The following SDK1 variants were observed in gnomAD, a reference collection of about 807,000 sequenced individuals.
SDK1 encodes sidekick cell adhesion molecule 1, also known as protein sidekick-1.
Under a neutral mutation model 245.5 loss-of-function variants are expected in SDK1, and 157 were observed. The ratio of observed to expected loss-of-function variants is 0.64; its 90% CI spans 0.56 to 0.73. The LOEUF is 0.73. Ranked by LOEUF, SDK1 falls within the 30% of genes least tolerant of loss-of-function variation. The probability of loss-of-function intolerance (pLI) is 0.00; values close to 1 mark genes in which losing one functional copy is unlikely to be tolerated. For missense variants in SDK1, 3,583 were observed against 3,002.3 expected (o/e 1.19, Z -4.52); for synonymous variants, 1,647 against 1,278.5 (o/e 1.29, Z -6.15).
At chr7:3,488,079 A>C (rs12700918) in intron 1 of SDK1, among the ~76,000 whole-genome samples, 1 of 152,064 alleles carries the variant, frequency 6.6e-6, no homozygotes, top group African/African-American at 2.4e-5. Flanking sequence ...CTCTTGGTCT[A>C]ATTTTTCAGT....
At chr7:4,115,966 G>A (rs1172481835) in intron 25 of SDK1, among the ~76,000 whole-genome samples, 2 of 152,108 alleles carry the variant, frequency 1.3e-5, no homozygotes, top group Admixed American at 6.5e-5. Context: ...AGCAGGAGGA[G>A]GCGGATGACG....
intron 1 of SDK1, among the ~76,000 whole-genome samples, chr7:3,545,391 A>T (rs1281357326): frequency 1.3e-5 from 2 of 152,196 alleles, no homozygotes; most frequent in Admixed American, 1.3e-4. Context: ...TTCATCTTTC[A>T]TGTTGAAAGA....
intron 4 of SDK1, among the ~76,000 whole-genome samples, chr7:3,739,420 T>G (rs181643124): frequency 2.6e-5 from 4 of 152,308 alleles, no homozygotes; most frequent in African/African-American, 9.6e-5. Flanking sequence ...TCTATTTCTA[T>G]TAGTTGTGTG....
At chr7:3,698,222 C>T (rs2115003565) in intron 4 of SDK1, among the ~76,000 whole-genome samples, 1 of 152,312 alleles carries the variant, frequency 6.6e-6, no homozygotes, top group African/African-American at 2.4e-5. Context: ...TGGCCATATT[C>T]ACAAACCCCC....
chr7:3,400,694 A>G (rs2128573223), intron 1 of SDK1, among the ~76,000 whole-genome samples: 1 of 152,302 alleles, frequency 6.6e-6, no homozygotes, highest in Admixed American at 6.5e-5. Flanking sequence ...GTCATAATTA[A>G]GGTCCAGTTT....
chr7:3,626,602 G>A (rs188985703), intron 2 of SDK1, among the ~76,000 whole-genome samples: 37 of 152,290 alleles, frequency 2.4e-4, no homozygotes, highest in Non-Finnish European at 4.6e-4. Context: ...AATTACAACT[G>A]GTCTTGCGAG....
chr7:3,580,116 C>T (rs1267236597), intron 1 of SDK1, among the ~76,000 whole-genome samples: 1 of 152,052 alleles, frequency 6.6e-6, no homozygotes, highest in Non-Finnish European at 1.5e-5. Flanking sequence ...AGGAGAATTA[C>T]AAAACACTGT....
chr7:4,210,492 G>A (rs991529019), intron 38 of SDK1, among the ~76,000 whole-genome samples: 2 of 152,098 alleles, frequency 1.3e-5, no homozygotes, highest in Admixed American at 6.5e-5. Flanking sequence ...TATTCCTCCC[G>A]AGATGTTTGT....
chr7:3,867,655 A>G (rs1000980720), intron 5 of SDK1, among the ~76,000 whole-genome samples: 63 of 152,168 alleles, frequency 4.1e-4, no homozygotes, highest in African/African-American at 1.3e-3. Flanking sequence ...TGCTTCCATG[A>G]TTCGGTTACC....
intron 1 of SDK1, among the ~76,000 whole-genome samples, chr7:3,358,665 T>C (rs1428183243): frequency 6.6e-6 from 1 of 152,212 alleles, no homozygotes; most frequent in African/African-American, 2.4e-5. Flanking sequence ...GATTGAAGGT[T>C]CTAGCAGCTT....
intron 1 of SDK1, among the ~76,000 whole-genome samples, chr7:3,363,149 C>T (rs1583746447): frequency 1.3e-5 from 2 of 152,190 alleles, no homozygotes; most frequent in African/African-American, 2.4e-5. Flanking sequence ...TCTCCTTCCA[C>T]ACTGCTCGGC....
At chr7:3,455,505 G>T (rs915216158) in intron 1 of SDK1, among the ~76,000 whole-genome samples, 1 of 151,636 alleles carries the variant, frequency 6.6e-6, no homozygotes. Context: ...TTGTTCAATG[G>T]ATGCCTATTA....
At chr7:3,599,669 T>G (rs1034817134) in intron 1 of SDK1, among the ~76,000 whole-genome samples, 3 of 152,204 alleles carry the variant, frequency 2.0e-5, no homozygotes, top group Non-Finnish European at 4.4e-5. Flanking sequence ...TTTGATTTTT[T>G]GCCTTCTAGG....
chr7:3,594,692 T>C (rs1780996146), intron 1 of SDK1, among the ~76,000 whole-genome samples: 1 of 152,220 alleles, frequency 6.6e-6, no homozygotes, highest in Admixed American at 6.5e-5. Flanking sequence ...ATTTTCCCAG[T>C]GACTAATGAC....
At chr7:3,688,476 A>T (rs927860606) in intron 4 of SDK1, among the ~76,000 whole-genome samples, 2 of 152,262 alleles carry the variant, frequency 1.3e-5, no homozygotes, top group Non-Finnish European at 2.9e-5. Context: ...AAATGAGATA[A>T]TTAACACAAA....
intron 2 of SDK1, among the ~76,000 whole-genome samples, chr7:3,620,126 T>C (rs1409664223): frequency 2.0e-5 from 3 of 152,164 alleles, no homozygotes; most frequent in Non-Finnish European, 4.4e-5. Context: ...TTAAGTGGAA[T>C]AACAAGCTTC....
chr7:3,933,094 G>T (rs1189758907), intron 5 of SDK1, among the ~76,000 whole-genome samples: 1 of 146,718 alleles, frequency 6.8e-6, no homozygotes, highest in African/African-American at 2.5e-5. Flanking sequence ...TCCATCCTCC[G>T]CATCCTCCGG....
intron 2 of SDK1, among the ~76,000 whole-genome samples, chr7:3,625,573 A>G (rs997692407): frequency 6.6e-6 from 1 of 152,182 alleles, no homozygotes; most frequent in Non-Finnish European, 1.5e-5. Flanking sequence ...CAGTCACTCT[A>G]AGTGGCTGGA....
chr7:3,628,969 C>G (rs1782202225), intron 2 of SDK1, among the ~76,000 whole-genome samples: 1 of 151,986 alleles, frequency 6.6e-6, no homozygotes, highest in South Asian at 2.1e-4. Context: ...ATCAAGGCAG[C>G]TAGATTTCTT....
Sources: gnomAD v4.1 joint callset for allele counts (sites outside exome capture counted in the v4.1 genomes callset) on GRCh38, gnomAD v4.1.1 for gene constraint, MANE v1.5 for transcripts, NCBI Gene and HGNC (gene_info 2026-07-23, HGNC 2026-07-21) for gene names.